KLRG1: variants seen among roughly 807,000 people sequenced by gnomAD.
KLRG1 encodes the protein killer cell lectin like receptor G1, also known as killer cell lectin-like receptor subfamily G member 1.
KLRG1 carries 16 observed loss-of-function variants against 21.8 expected under a neutral mutation model. That is an observed-to-expected ratio of 0.73 (90% CI 0.50 to 1.11). The LOEUF (loss-of-function observed/expected upper bound fraction) is 1.11, where lower values mean the gene tolerates loss of function less well. Ranked by LOEUF, KLRG1 falls within the 50% of genes most tolerant of loss-of-function variation. KLRG1 has a pLI of 0.00. For synonymous variants in KLRG1, 69 were observed against 75.9 expected (o/e 0.91, Z 0.47); for missense variants, 173 against 218.3 (o/e 0.79, Z 1.31).
chr12:9,056,331 A>G, the KLRG1 span, among the ~76,000 whole-genome samples: 1 of 152,208 alleles, frequency 6.6e-6, no homozygotes, highest in African/African-American at 2.4e-5. Flanking sequence ...TACCATTAGT[A>G]TAATCCGTTA....
At chr12:9,198,395 T>A in the KLRG1 span, among the ~76,000 whole-genome samples, 1 of 152,178 alleles carries the variant, frequency 6.6e-6, no homozygotes, top group African/African-American at 2.4e-5. Flanking sequence ...ATCATTCTTC[T>A]TTATTTTGTT....
chr12:9,043,895 A>T, the KLRG1 span, among the ~76,000 whole-genome samples: 1 of 152,224 alleles, frequency 6.6e-6, no homozygotes, highest in Admixed American at 6.5e-5. Flanking sequence ...CCATAAAATG[A>T]AGTCCTGAGA....
chr12:9,107,685 GA>G, the KLRG1 span: 1 of 1,603,664 alleles, frequency 6.2e-7, no homozygotes, highest in Non-Finnish European at 8.5e-7. Flanking sequence ...AGCAGACACT[GA>G]ACCTCCCCAT....
intron 3 of KLRG1, among the ~76,000 whole-genome samples, chr12:9,004,572 G>T (rs1947412093): frequency 6.6e-6 from 1 of 152,136 alleles, no homozygotes; most frequent in Non-Finnish European, 1.5e-5. Flanking sequence ...GGGCTCAAGT[G>T]ATCCTCCTCC....
intron 1 of KLRG1, among the ~76,000 whole-genome samples, chr12:8,956,133 C>T (rs777525806): frequency 2.6e-5 from 4 of 152,264 alleles, no homozygotes; most frequent in South Asian, 4.1e-4. Flanking sequence ...TCTTCTTGGA[C>T]GCAGGACAAG....
At chr12:9,211,833 T>G in the KLRG1 span, among the ~76,000 whole-genome samples, 1 of 152,194 alleles carries the variant, frequency 6.6e-6, no homozygotes, top group Non-Finnish European at 1.5e-5. Flanking sequence ...TAGAGCCAGG[T>G]CACATGGTTT....
Position 8,992,317 on chromosome 12 carries a change from G to A in KLRG1, c.187+7G>A. ...CAGTGGATCCTGTGCCAGGGTAAGT[G>A]CAAACTTAAACCAAAATTAATCTTT... On this transcript the variant is annotated splice_region_variant and intron_variant, in intron 2 of 4. Transcript: ENST00000356986. 6.3e-7 allele frequency: 1 copy of A among 1,581,248 alleles called. No homozygotes were observed. The highest frequency in any genetic ancestry group is 8.6e-7 in the Non-Finnish European group (1 of 1,162,582).
chr12:8,992,974 A>G (rs1000420342), intron 2 of KLRG1, among the ~76,000 whole-genome samples: 1 of 152,076 alleles, frequency 6.6e-6, no homozygotes, highest in African/African-American at 2.4e-5. Flanking sequence ...TTATGTTGCC[A>G]GAAACATTTC....
At chr12:9,141,201 G>A in the KLRG1 span, among the ~76,000 whole-genome samples, 1 of 152,034 alleles carries the variant, frequency 6.6e-6, no homozygotes, top group Non-Finnish European at 1.5e-5. Context: ...AGAAATATAG[G>A]AGTCTCTTAT....
chr12:8,975,343 A>G (rs1016087198), intron 1 of KLRG1, among the ~76,000 whole-genome samples: 2 of 152,054 alleles, frequency 1.3e-5, no homozygotes, highest in African/African-American at 4.8e-5. Flanking sequence ...CTCCTCATTT[A>G]TTATTGATAT....
chr12:9,131,606 T>C, the KLRG1 span, among the ~76,000 whole-genome samples: 1 of 151,948 alleles, frequency 6.6e-6, no homozygotes, highest in Non-Finnish European at 1.5e-5. Context: ...AAGGATAAGA[T>C]GTTGTTCATT....
At chr12:9,194,638 G>A in the KLRG1 span, among the ~76,000 whole-genome samples, 311 of 151,964 alleles carry the variant, frequency 2.0e-3, 2 homozygotes, top group African/African-American at 7.2e-3. Context: ...CTAATTTTTT[G>A]TATTTTTAGT....
chr12:9,183,572 T>A, the KLRG1 span, among the ~76,000 whole-genome samples: 8 of 152,244 alleles, frequency 5.3e-5, 1 homozygote, highest in African/African-American at 1.9e-4. Context: ...GCTAATTTTT[T>A]ATATATTTTT....
chr12:9,112,459 CTTCTTAAA>C, the KLRG1 span: 2 of 1,613,824 alleles, frequency 1.2e-6, no homozygotes, highest in Non-Finnish European at 1.7e-6. Context: ...CTGTGGTCCG[CTTCTTAAA>C]TTCTTGGGTT....
the KLRG1 span, among the ~76,000 whole-genome samples, chr12:9,130,032 T>A: frequency 6.6e-6 from 1 of 152,226 alleles, no homozygotes. Flanking sequence ...TTTTTATGAA[T>A]TGGCTTGGAT....
chr12:9,004,968 G>A (rs949066263), intron 3 of KLRG1, among the ~76,000 whole-genome samples: 9 of 151,954 alleles, frequency 5.9e-5, no homozygotes, highest in East Asian at 1.9e-4. Context: ...GTATTTATCC[G>A]AAGGAAATAA....
the KLRG1 span, among the ~76,000 whole-genome samples, chr12:9,052,344 C>A: frequency 4.6e-5 from 7 of 152,258 alleles, no homozygotes; most frequent in African/African-American, 1.7e-4. Context: ...TTTTCTCCTC[C>A]CTCAGCATAG....
At chr12:9,070,638 C>G in the KLRG1 span, 60 of 1,199,618 alleles carry the variant, frequency 5.0e-5, no homozygotes, top group Non-Finnish European at 6.9e-5. Flanking sequence ...TTTTCTTCTT[C>G]TATGTCCATG....
At chr12:9,042,651 G>A in the KLRG1 span, among the ~76,000 whole-genome samples, 1 of 152,134 alleles carries the variant, frequency 6.6e-6, no homozygotes, top group African/African-American at 2.4e-5. Context: ...TACTGGAATG[G>A]TTATAGATTG....
Sources: gnomAD v4.1 joint callset for allele counts (sites outside exome capture counted in the v4.1 genomes callset) on GRCh38, gnomAD v4.1.1 for gene constraint, MANE v1.5 for transcripts, NCBI Gene and HGNC (gene_info 2026-07-23, HGNC 2026-07-21) for gene names.